Variants in MMRN1 observed in about 807,000 individuals in gnomAD.
The protein encoded by MMRN1 is multimerin-1.
MMRN1 carries 94 observed loss-of-function variants against 100.7 expected under a neutral mutation model. The ratio of observed to expected loss-of-function variants is 0.93; its 90% CI spans 0.79 to 1.11. The LOEUF (loss-of-function observed/expected upper bound fraction) is 1.11, where lower values mean the gene tolerates loss of function less well. MMRN1 is among the 50% of genes least tolerant of loss of function. MMRN1 has a pLI of 0.00. For missense variants in MMRN1, 1,606 were observed against 1,439.1 expected (o/e 1.12, Z -1.88); for synonymous variants, 575 against 505.0 (o/e 1.14, Z -1.86).
chr4:89,950,438 C>T (rs1723129609), intron 6 of MMRN1, among the ~76,000 whole-genome samples: 1 of 152,152 alleles, frequency 6.6e-6, no homozygotes, highest in Non-Finnish European at 1.5e-5. Context: ...ACAGCTATAG[C>T]AGTTTACACT....
rs562377250 is a variant in MMRN1, at chr4:89,926,195, A to G, written c.956-1600A>G. ...TAGCTCTATTTTTAGTTTTTGAGGA[A>G]CCTCCAAACTGTTCTCCGTAGTGGT... On this transcript the variant is annotated intron_variant, in intron 4 of 7. Transcript: ENST00000264790. 1.5e-4 allele frequency among the ~76,000 whole-genome samples: 23 copies of G among 152,088 alleles called. No homozygotes were observed. The South Asian group carries it at 4.4e-3, about 29-fold the overall frequency.
chr4:89,898,720 A>C (rs1721290131), intron 1 of MMRN1, among the ~76,000 whole-genome samples: 1 of 152,034 alleles, frequency 6.6e-6, no homozygotes, highest in African/African-American at 2.4e-5. Flanking sequence ...TGTGACTAAC[A>C]ATGGGCCCTC....
chr4:89,903,983 C>T (rs187904051), intron 1 of MMRN1, among the ~76,000 whole-genome samples: 1 of 148,466 alleles, frequency 6.7e-6, no homozygotes, highest in South Asian at 2.1e-4. Flanking sequence ...GAATAAAAAT[C>T]TTGTCCAGCA....
Position 89,936,374 on chromosome 4 carries a change from A to G in MMRN1, c.2694A>G (p.Val898=), listed in dbSNP as rs555372569. The G allele has an allele frequency of 1.6e-5, 26 of 1,609,456 alleles. No homozygotes were observed. The African/African-American group carries it at 2.8e-4, about 17-fold the overall frequency. ...GAGATCAGGCTCTTCAACTGCAAGT[A>G]TTAAATTCCAGATTTAAGGCGTTGG... The part of the protein sequence containing the change: ...NERDQALQLQ[V]LNSRFKALEA... The change falls in exon 6 of 8, where the codon GTA becomes GTG. Residue 898 remains valine (V), a synonymous_variant. Transcript: ENST00000264790.
At chr4:89,942,693 T>C (rs1263884537) in intron 6 of MMRN1, among the ~76,000 whole-genome samples, 8 of 152,120 alleles carry the variant, frequency 5.3e-5, no homozygotes, top group Non-Finnish European at 4.4e-5. Context: ...TGAAACTCCA[T>C]TGATATCAAT....
At chr4:89,904,878 A>G (rs1462258639) in intron 1 of MMRN1, among the ~76,000 whole-genome samples, 1 of 151,712 alleles carries the variant, frequency 6.6e-6, no homozygotes, top group Non-Finnish European at 1.5e-5. Context: ...GTTAAAACAA[A>G]TGAGGGTTTA....
intron 1 of MMRN1, among the ~76,000 whole-genome samples, chr4:89,882,558 T>C (rs904220009): frequency 1.3e-5 from 2 of 151,898 alleles, no homozygotes; most frequent in African/African-American, 4.8e-5. Context: ...CTAGTCATAT[T>C]ACATCTTTGA....
chr4:89,905,090 T>A (rs1271497152), intron 1 of MMRN1, among the ~76,000 whole-genome samples: 1 of 151,644 alleles, frequency 6.6e-6, no homozygotes, highest in East Asian at 1.9e-4. Context: ...CAAAAAGTAG[T>A]AAACACTTAT....
chr4:89,943,627 C>A lies in MMRN1; in HGVS notation c.3118+6829C>A, dbSNP rs1038436343. On this transcript the variant is annotated intron_variant, in intron 6 of 7. Coordinates refer to ENST00000264790, the MANE Select transcript of MMRN1 (RefSeq NM_007351.3). ...TTGATTCAACAAATATTACGTAAGT[C>A]CTAAGTGGGATCAAGTTAGAAAGCA... Among the ~76,000 whole-genome samples, 3 of 152,074 alleles carry A rather than the reference C, an allele frequency of 2.0e-5. No individual in the cohort carries two copies. The South Asian group carries it at 6.2e-4, about 32-fold the overall frequency.
At position 89,927,794 on chromosome 4, in the gene MMRN1, G is replaced by C; in HGVS notation, c.956-1G>C. 6.2e-7 allele frequency: 1 copy of C among 1,609,886 alleles called. No homozygotes were observed. Among genetic ancestry groups the C allele is most frequent in the Non-Finnish European group, 8.5e-7 (1 of 1,178,308 alleles). ...GTCTCAATTTTCTCTTCTATATGCA[G>C]AAGTGATGCAAAAAATGACTGATCA... On this transcript the variant is annotated splice_acceptor_variant, in intron 4 of 7. Coordinates refer to ENST00000264790, the MANE Select transcript of MMRN1 (RefSeq NM_007351.3). LOFTEE classifies it high-confidence loss of function.
chr4:89,912,512 TTCTC>T (rs1029702785), intron 3 of MMRN1, among the ~76,000 whole-genome samples: 13 of 151,204 alleles, frequency 8.6e-5, no homozygotes, highest in Non-Finnish European at 1.9e-4. Flanking sequence ...TCATGAATAA[TTCTC>T]TCTTTTTCAA....
At position 89,918,207 on chromosome 4, in the gene MMRN1, T is replaced by A. The variant is rs556562486; in HGVS notation, c.851-4961T>A. Among the ~76,000 whole-genome samples the A allele has an allele frequency of 2.6e-5, 4 of 151,352 alleles. No individual in the cohort carries two copies. In the East Asian group the frequency reaches 7.7e-4, roughly 29 times the overall value. ...AATATATAAGTTTCAAATGTATATT[T>A]ATAGAATACATGAAATTTTTATATC... On this transcript the variant is annotated intron_variant, in intron 3 of 7. Coordinates refer to ENST00000264790, the MANE Select transcript of MMRN1 (RefSeq NM_007351.3).
chr4:89,906,104 G>T (rs1460383706), intron 1 of MMRN1, among the ~76,000 whole-genome samples: 1 of 151,460 alleles, frequency 6.6e-6, no homozygotes, highest in Admixed American at 6.6e-5. Flanking sequence ...GTATGACTGG[G>T]CCATTATTTA....
intron 3 of MMRN1, among the ~76,000 whole-genome samples, chr4:89,920,332 A>G (rs1203833126): frequency 6.6e-6 from 1 of 152,164 alleles, no homozygotes; most frequent in Non-Finnish European, 1.5e-5. Flanking sequence ...TTGAGTGGAA[A>G]GTGATTTTAT....
intron 1 of MMRN1, among the ~76,000 whole-genome samples, chr4:89,883,859 G>A (rs1161320384): frequency 6.6e-6 from 1 of 151,984 alleles, no homozygotes; most frequent in African/African-American, 2.4e-5. Context: ...GCATCTACAA[G>A]GTGTATGGTT....
chr4:89,943,460 T>A (rs1315557542), intron 6 of MMRN1, among the ~76,000 whole-genome samples: 1 of 152,240 alleles, frequency 6.6e-6, no homozygotes, highest in African/African-American at 2.4e-5. Flanking sequence ...AAAGACAAGA[T>A]AATTTCTATT....
chr4:89,930,861 C>G (rs757833137), intron 5 of MMRN1, among the ~76,000 whole-genome samples: 1 of 151,936 alleles, frequency 6.6e-6, no homozygotes, highest in Admixed American at 6.6e-5. Context: ...AAATGCTAAG[C>G]AAAATGTAGA....
intron 7 of MMRN1, 102 bp downstream of exon 7, chr4:89,951,853 A>T: frequency 7.7e-7 from 1 of 1,306,490 alleles, no homozygotes; most frequent in South Asian, 1.5e-5. Context: ...CTTAATCTGG[A>T]TCCACTTGAC....
chr4:89,887,663 A>G (rs2110572107), intron 1 of MMRN1, among the ~76,000 whole-genome samples: 1 of 152,160 alleles, frequency 6.6e-6, no homozygotes, highest in Non-Finnish European at 1.5e-5. Context: ...TTTTTAAACT[A>G]CATTTTTGTT....
Sources: allele counts gnomAD v4.1 joint callset (sites outside exome capture counted in the v4.1 genomes callset), GRCh38; gene constraint gnomAD v4.1.1; transcripts MANE v1.5; gene names NCBI Gene and HGNC (gene_info 2026-07-23, HGNC 2026-07-21).